The following TEX14 variants were observed in gnomAD, a reference collection of about 807,000 sequenced individuals.
TEX14 encodes the protein inactive serine/threonine-protein kinase TEX14.
Under a neutral mutation model 178.6 loss-of-function variants are expected in TEX14, and 168 were observed. The ratio of observed to expected loss-of-function variants is 0.94; its 90% CI spans 0.83 to 1.07. The LOEUF is 1.07. Ranked by LOEUF, TEX14 falls within the 50% of genes least tolerant of loss-of-function variation. The pLI is 0.00. For missense variants in TEX14, 1,730 were observed against 1,753.6 expected, an observed-to-expected ratio of 0.99 and a Z score of 0.24; for synonymous variants, 626 against 634.1, an observed-to-expected ratio of 0.99 and a Z score of 0.19.
chr17:58,686,834 C>T (rs900113949), intron 1 of TEX14, among the ~76,000 whole-genome samples: 5 of 150,412 alleles, frequency 3.3e-5, no homozygotes, highest in African/African-American at 1.2e-4. Context: ...CTCCTATTCC[C>T]AAACCCACTT....
intron 3 of TEX14, among the ~76,000 whole-genome samples, chr17:58,625,805 A>G (rs1463551918): frequency 6.6e-6 from 1 of 152,136 alleles, no homozygotes; most frequent in Non-Finnish European, 1.5e-5. Context: ...CAGTGGCACA[A>G]TCTTGGCTCA....
chr17:58,671,181 A>G (rs933758552), intron 1 of TEX14, among the ~76,000 whole-genome samples: 2 of 152,176 alleles, frequency 1.3e-5, no homozygotes, highest in Non-Finnish European at 2.9e-5. Flanking sequence ...TCTGCTGCTT[A>G]ACCCATTCAC....
rs565391644 is a variant in TEX14, at chr17:58,557,973, T to A, written c.4268-123A>T. On this transcript the variant is annotated intron_variant, in intron 30 of 31. Transcript: ENST00000349033. The stretch of plus-strand genomic sequence containing the variant: ...ACTGTTTTACCTACAATGGTTGTTA[T>A]ATTCTGCCAGATAGACTCTTTCTAA... 4 of 665,278 alleles carry A rather than the reference T, an allele frequency of 6.0e-6. No individual in the cohort carries two copies. The Admixed American group carries it at 1.0e-4, about 17-fold the overall frequency. 41.2% of individuals were successfully genotyped at this position (665,278 alleles called of 1,614,324 possible).
chr17:58,589,489 GA>G (rs2045069020), intron 15 of TEX14, among the ~76,000 whole-genome samples: 1 of 149,004 alleles, frequency 6.7e-6, no homozygotes, highest in South Asian at 2.2e-4. Context: ...TTGAACCCGG[GA>G]GGCAGAGGTT....
chr17:58,596,180 CTT>C (rs1360367990), intron 14 of TEX14, among the ~76,000 whole-genome samples: 2 of 151,548 alleles, frequency 1.3e-5, no homozygotes, highest in Non-Finnish European at 2.9e-5. Context: ...AAGATTCTGT[CTT>C]TAAAAATTTA....
chr17:58,559,565 G>A lies in TEX14; in HGVS notation c.4158-3C>T. ...TTTGATCTTTGATATTTGTCTCCCT[G>A]TAACAACAATTATTTGGGGAATCAA... On this transcript the variant is annotated splice_region_variant and splice_polypyrimidine_tract_variant and intron_variant, in intron 29 of 31. Coordinates refer to ENST00000349033, the MANE Select transcript of TEX14 (RefSeq NM_031272.5). The A allele has an allele frequency of 7.1e-7, 1 of 1,417,450 alleles. No individual in the cohort carries two copies. The highest frequency in any genetic ancestry group is 2.3e-5 in the East Asian group (1 of 43,576). The allele number at this position is 1,417,450 out of a possible 1,614,324, so 87.8% of individuals were successfully genotyped here.
At chr17:58,643,874 CAAAAAAAAAAAAAAAAA>C (rs71143262) in intron 2 of TEX14, among the ~76,000 whole-genome samples, 4 of 20,536 alleles carry the variant, frequency 1.9e-4, no homozygotes, top group East Asian at 1.6e-3. Flanking sequence ...GACTCTGTCT[CAAAAAAAAAAAAAAAAA>C]AAAAAAAAAA....
intron 20 of TEX14, among the ~76,000 whole-genome samples, chr17:58,577,725 T>C (rs536064312): frequency 6.6e-6 from 1 of 152,356 alleles, no homozygotes; most frequent in South Asian, 2.1e-4. Context: ...CTTTCAGTTA[T>C]AACCACAGTT....
intron 1 of TEX14, among the ~76,000 whole-genome samples, chr17:58,689,796 G>A (rs2047661244): frequency 6.6e-6 from 1 of 151,516 alleles, no homozygotes; most frequent in Non-Finnish European, 1.5e-5. Context: ...TTGCATTAAA[G>A]ACATCTTAAG....
intron 1 of TEX14, chr17:58,661,371 C>A: frequency 1.1e-6 from 1 of 923,604 alleles, no homozygotes; most frequent in East Asian, 2.4e-5. Flanking sequence ...TACTTCAGGT[C>A]GGTGGAAGTA....
At chr17:58,596,208 T>C (rs1343285481) in intron 14 of TEX14, among the ~76,000 whole-genome samples, 6 of 152,012 alleles carry the variant, frequency 3.9e-5, no homozygotes, top group Non-Finnish European at 8.8e-5. Flanking sequence ...AAAAAAGTGA[T>C]TTCTAACAGT....
At chr17:58,629,203 G>A (rs1458251414) in intron 3 of TEX14, among the ~76,000 whole-genome samples, 2 of 152,186 alleles carry the variant, frequency 1.3e-5, no homozygotes. Flanking sequence ...GCTCACACCT[G>A]TAATCCCAGC....
rs373086043 is a variant in TEX14, at chr17:58,641,488, TTTATTA to T, written c.136+10372_136+10377del. The stretch of plus-strand genomic sequence containing the variant: ...CATTCTTTTCTTTCTTTCTCTTTTA[TTTATTA>T]TTATTATTATTATTATTATTATTAT... On this transcript the variant is annotated intron_variant, in intron 2 of 31. Coordinates refer to ENST00000349033, the MANE Select transcript of TEX14 (RefSeq NM_031272.5). Among the ~76,000 whole-genome samples the T allele has an allele frequency of 5.5e-3, 793 of 143,640 alleles. 6 individuals carry two copies. The highest frequency in any genetic ancestry group is 7.2e-3 in the Non-Finnish European group (479 of 66,214). 94.2% of individuals were successfully genotyped at this position (143,640 alleles called of 152,430 possible).
At chr17:58,658,095 C>A (rs1334341617) in intron 1 of TEX14, among the ~76,000 whole-genome samples, 4 of 152,194 alleles carry the variant, frequency 2.6e-5, no homozygotes, top group Non-Finnish European at 5.9e-5. Flanking sequence ...ATTAGCACTC[C>A]TGGCTCACTG....
intron 1 of TEX14, among the ~76,000 whole-genome samples, chr17:58,675,645 C>A (rs1468522994): frequency 6.6e-6 from 1 of 152,184 alleles, no homozygotes; most frequent in Non-Finnish European, 1.5e-5. Flanking sequence ...CCCAGACAGA[C>A]TCCTGATTAT....
intron 14 of TEX14, among the ~76,000 whole-genome samples, chr17:58,596,040 G>A (rs1422485562): frequency 7.9e-5 from 12 of 152,106 alleles, no homozygotes; most frequent in Middle Eastern, 6.8e-3. Flanking sequence ...AAAATTAGCC[G>A]GGCATGGTGG....
At chr17:58,652,704 T>A (rs1190035708) in intron 1 of TEX14, among the ~76,000 whole-genome samples, 1 of 152,228 alleles carries the variant, frequency 6.6e-6, no homozygotes, top group Non-Finnish European at 1.5e-5. Flanking sequence ...TACACGTTTA[T>A]TGTGTCATTA....
chr17:58,652,997 C>T (rs780879664), intron 1 of TEX14, among the ~76,000 whole-genome samples: 3 of 152,086 alleles, frequency 2.0e-5, no homozygotes, highest in South Asian at 2.1e-4. Context: ...AGTGCAGTGG[C>T]GCGATCTCAG....
rs1417791585 is a variant in TEX14, at chr17:58,559,393, T to C, written c.4267+60A>G. 3.3e-5 allele frequency: 24 copies of C among 730,568 alleles called. No homozygotes were observed. The East Asian group carries it at 5.0e-4, about 15-fold the overall frequency. The allele number at this position is 730,568 out of a possible 1,614,324, so 45.3% of individuals were successfully genotyped here. ...ATCTGGGAAACATTTCTAAATAACTTTGAAGCACATCAAAGCCCAAGGACT... is the reference window on the plus strand; with the variant it reads ...ATCTGGGAAACATTTCTAAATAACTCTGAAGCACATCAAAGCCCAAGGACT... On this transcript the variant is annotated intron_variant, in intron 30 of 31. Coordinates refer to ENST00000349033, the MANE Select transcript of TEX14 (RefSeq NM_031272.5).
Sources: gnomAD v4.1 joint callset for allele counts (sites outside exome capture counted in the v4.1 genomes callset) on GRCh38, gnomAD v4.1.1 for gene constraint, MANE v1.5 for transcripts, NCBI Gene and HGNC (gene_info 2026-07-23, HGNC 2026-07-21) for gene names.